ARHGAP10: variants seen among roughly 807,000 people sequenced by gnomAD.
The protein encoded by ARHGAP10 is rho GTPase-activating protein 10.
A neutral mutation model predicts 108.6 loss-of-function variants in ARHGAP10; 87 were observed. The observed-to-expected ratio is 0.80, with a 90% CI of 0.67 to 0.96. The LOEUF is 0.96. Ranked by LOEUF, ARHGAP10 falls within the 40% of genes least tolerant of loss-of-function variation. The pLI, the probability that ARHGAP10 is intolerant of heterozygous loss-of-function variation, is 0.00. For synonymous variants in ARHGAP10, 347 were observed against 341.1 expected (o/e 1.02, Z -0.19); for missense variants, 939 against 954.5 (o/e 0.98, Z 0.21).
chr4:147,915,626 T>A (rs570679623), intron 13 of ARHGAP10, among the ~76,000 whole-genome samples: 1 of 152,316 alleles, frequency 6.6e-6, no homozygotes, highest in East Asian at 1.9e-4. Context: ...AGTATATAGA[T>A]GTTGAATAGG....
intron 20 of ARHGAP10, among the ~76,000 whole-genome samples, chr4:148,051,107 G>A (rs1418182643): frequency 6.6e-6 from 1 of 152,240 alleles, no homozygotes; most frequent in East Asian, 1.9e-4. Context: ...CATAGGTGGT[G>A]TAGCTGTTGC....
At chr4:147,936,019 T>C (rs891529718) in intron 13 of ARHGAP10, among the ~76,000 whole-genome samples, 6 of 152,216 alleles carry the variant, frequency 3.9e-5, no homozygotes, top group African/African-American at 1.4e-4. Context: ...CATCTCTCCA[T>C]ATAATTCAGG....
At chr4:147,934,809 G>A (rs1280394578) in intron 13 of ARHGAP10, among the ~76,000 whole-genome samples, 1 of 152,068 alleles carries the variant, frequency 6.6e-6, no homozygotes, top group Non-Finnish European at 1.5e-5. Flanking sequence ...ATTCCACCTG[G>A]GTGACAGAAT....
chr4:148,028,655 A>AGTAT (rs1727989864), intron 19 of ARHGAP10, among the ~76,000 whole-genome samples: 1 of 152,216 alleles, frequency 6.6e-6, no homozygotes, highest in Non-Finnish European at 1.5e-5. Context: ...AAGAGTTGTA[A>AGTAT]CATTTTGAAA....
At chr4:147,879,607 C>G (rs1735243822) in intron 9 of ARHGAP10, among the ~76,000 whole-genome samples, 1 of 151,574 alleles carries the variant, frequency 6.6e-6, no homozygotes, top group African/African-American at 2.4e-5. Context: ...AGGTTTGTTA[C>G]ATAGGTATGC....
intron 1 of ARHGAP10, among the ~76,000 whole-genome samples, chr4:147,775,555 A>G (rs534360262): frequency 4.6e-5 from 7 of 152,310 alleles, no homozygotes; most frequent in African/African-American, 1.4e-4. Context: ...GGTAGGAGAA[A>G]GGTGATTATT....
chr4:147,755,774 G>A (rs1196230005), intron 1 of ARHGAP10, among the ~76,000 whole-genome samples: 1 of 152,096 alleles, frequency 6.6e-6, no homozygotes, highest in Non-Finnish European at 1.5e-5. Context: ...ACGAAAGAAG[G>A]TGGGGTGTGG....
intron 4 of ARHGAP10, 26 bp downstream of exon 4, chr4:147,847,248 A>G (rs777746392): frequency 4.5e-6 from 7 of 1,566,318 alleles, no homozygotes; most frequent in Non-Finnish European, 4.4e-6. Context: ...GAATACACTC[A>G]GAAAACATAG....
At chr4:147,795,518 T>G (rs1194041250) in intron 1 of ARHGAP10, among the ~76,000 whole-genome samples, 2 of 152,132 alleles carry the variant, frequency 1.3e-5, no homozygotes, top group Non-Finnish European at 2.9e-5. Context: ...TTACGAAACA[T>G]TCTCCGGTGC....
chr4:147,749,659 CTG>C (rs1259493696), intron 1 of ARHGAP10, among the ~76,000 whole-genome samples: 5 of 152,088 alleles, frequency 3.3e-5, no homozygotes, highest in African/African-American at 7.2e-5. Context: ...TCTTCTGAAA[CTG>C]TATTATAGTC....
In ARHGAP10 at chr4:147,732,276, C is replaced by G; in HGVS notation, c.-26C>G. 6.4e-7 allele frequency: 1 copy of G among 1,566,828 alleles called. No homozygotes were observed. The highest frequency in any genetic ancestry group is 1.4e-5 in the African/African-American group (1 of 72,358). On this transcript the variant is annotated 5_prime_UTR_variant, in exon 1 of 23. Coordinates refer to ENST00000336498, the MANE Select transcript of ARHGAP10 (RefSeq NM_024605.4). Reference sequence around the variant, plus strand: ...GCTCGGGCAGGAGCGCGCGGCCGTGCGCACCGCGCAGCGACCGCTGCCGTC... The same window carrying G: ...GCTCGGGCAGGAGCGCGCGGCCGTGGGCACCGCGCAGCGACCGCTGCCGTC...
intron 18 of ARHGAP10, among the ~76,000 whole-genome samples, chr4:147,993,335 A>G (rs766513170): frequency 6.6e-6 from 1 of 152,228 alleles, no homozygotes; most frequent in Non-Finnish European, 1.5e-5. Context: ...TGAGTTAGTA[A>G]TTGATTCGGC....
intron 22 of ARHGAP10, among the ~76,000 whole-genome samples, chr4:148,067,219 AG>A (rs1729925209): frequency 6.6e-6 from 1 of 152,258 alleles, no homozygotes; most frequent in Non-Finnish European, 1.5e-5. Context: ...CAACAGCATT[AG>A]GCTTGCTGCT....
intron 20 of ARHGAP10, among the ~76,000 whole-genome samples, chr4:148,057,576 C>T (rs1289534159): frequency 6.6e-6 from 1 of 152,188 alleles, no homozygotes; most frequent in African/African-American, 2.4e-5. Context: ...CACAGTTGTG[C>T]CTCACATGAG....
chr4:147,848,157 C>G (rs989668141), intron 4 of ARHGAP10, among the ~76,000 whole-genome samples: 1 of 151,900 alleles, frequency 6.6e-6, no homozygotes, highest in Non-Finnish European at 1.5e-5. Flanking sequence ...ACACTGTGGC[C>G]TCAGTAGCTT....
intron 14 of ARHGAP10, among the ~76,000 whole-genome samples, chr4:147,944,684 C>G (rs1331283088): frequency 5.9e-5 from 9 of 152,080 alleles, no homozygotes; most frequent in African/African-American, 1.9e-4. Context: ...GGGAAAAAAC[C>G]CTGAAACAAC....
chr4:147,740,599 T>C (rs1728617292), intron 1 of ARHGAP10, among the ~76,000 whole-genome samples: 1 of 152,200 alleles, frequency 6.6e-6, no homozygotes, highest in African/African-American at 2.4e-5. Context: ...TAATTTGTAT[T>C]ATGAGTACAG....
At chr4:147,850,411 A>T (rs924441840) in intron 4 of ARHGAP10, among the ~76,000 whole-genome samples, 3 of 152,174 alleles carry the variant, frequency 2.0e-5, no homozygotes, top group Middle Eastern at 3.2e-3. Context: ...TTGGGTCCAC[A>T]CTACCTTTAT....
intron 1 of ARHGAP10, among the ~76,000 whole-genome samples, chr4:147,760,632 T>C (rs1435848322): frequency 6.6e-6 from 1 of 152,224 alleles, no homozygotes; most frequent in Non-Finnish European, 1.5e-5. Flanking sequence ...AGAGATTCCT[T>C]GTGCATGATT....
Sources: allele counts gnomAD v4.1 joint callset (sites outside exome capture counted in the v4.1 genomes callset), GRCh38; gene constraint gnomAD v4.1.1; transcripts MANE v1.5; gene names NCBI Gene and HGNC (gene_info 2026-07-23, HGNC 2026-07-21).